Variants in TRHDE observed in about 807,000 individuals in gnomAD.
The protein encoded by TRHDE is thyrotropin releasing hormone degrading enzyme, also known as thyrotropin-releasing hormone-degrading ectoenzyme.
A neutral mutation model predicts 125.7 loss-of-function variants in TRHDE; 72 were observed. The ratio of observed to expected loss-of-function variants is 0.57; its 90% CI spans 0.47 to 0.70. TRHDE has a LOEUF of 0.70. Among genes scored for constraint, TRHDE ranks in the 30% least tolerant of loss-of-function variants. The pLI is 0.00. For missense variants in TRHDE, 1,110 were observed against 1,327.1 expected, an observed-to-expected ratio of 0.84 and a Z score of 2.54; for synonymous variants, 509 against 509.1, an observed-to-expected ratio of 1.00 and a Z score of 0.00.
At chr12:72,642,970 C>T (rs1874126607) in intron 15 of TRHDE, among the ~76,000 whole-genome samples, 1 of 152,128 alleles carries the variant, frequency 6.6e-6, no homozygotes, top group African/African-American at 2.4e-5. Flanking sequence ...AACATCTTTA[C>T]AAATTTAGCA....
intron 12 of TRHDE, among the ~76,000 whole-genome samples, chr12:72,616,468 G>A (rs1592574358): frequency 6.6e-6 from 1 of 152,108 alleles, no homozygotes; most frequent in East Asian, 1.9e-4. Context: ...AGAATGTGAG[G>A]GCTGGAGAGA....
intron 2 of TRHDE, among the ~76,000 whole-genome samples, chr12:72,225,176 GT>G (rs1310210939): frequency 1.3e-5 from 2 of 152,108 alleles, no homozygotes; most frequent in Non-Finnish European, 2.9e-5. Flanking sequence ...GTTCTCTAAA[GT>G]TTTTTTCTAG....
chr12:72,517,841 T>C (rs1195512417), intron 6 of TRHDE, among the ~76,000 whole-genome samples: 3 of 151,916 alleles, frequency 2.0e-5, no homozygotes, highest in Non-Finnish European at 2.9e-5. Context: ...TCTGGTATGT[T>C]GTGTCTTTGT....
At chr12:72,151,876 C>A (rs1488551312) in intron 2 of TRHDE, among the ~76,000 whole-genome samples, 44 of 152,106 alleles carry the variant, frequency 2.9e-4, no homozygotes, top group African/African-American at 1.0e-3. Flanking sequence ...CTTGGCAATG[C>A]AGGCTCTTTT....
chr12:72,128,985 T>C (rs1875789946), intron 2 of TRHDE, among the ~76,000 whole-genome samples: 1 of 152,078 alleles, frequency 6.6e-6, no homozygotes, highest in Non-Finnish European at 1.5e-5. Flanking sequence ...CTAAGGCACA[T>C]CATAATTAAA....
intron 9 of TRHDE, among the ~76,000 whole-genome samples, chr12:72,565,847 T>C (rs996837153): frequency 6.6e-6 from 1 of 152,038 alleles, no homozygotes; most frequent in Non-Finnish European, 1.5e-5. Context: ...CAGGAACTGT[T>C]AAAGAAAAAA....
intron 2 of TRHDE, chr12:72,147,436 T>C (rs997737177): frequency 6.6e-6 from 1 of 152,220 alleles, no homozygotes; most frequent in Non-Finnish European, 1.5e-5. Flanking sequence ...TAGAGCTGAG[T>C]GCTAAGTTTA....
intron 2 of TRHDE, among the ~76,000 whole-genome samples, chr12:72,347,881 C>T (rs1265402054): frequency 6.6e-6 from 1 of 151,848 alleles, no homozygotes; most frequent in Non-Finnish European, 1.5e-5. Flanking sequence ...TCAATAGAAG[C>T]ATATTACCAG....
chr12:72,095,064 C>A (rs1209130373), intron 1 of TRHDE, among the ~76,000 whole-genome samples: 1 of 152,132 alleles, frequency 6.6e-6, no homozygotes, highest in East Asian at 1.9e-4. Flanking sequence ...AAGAACATAC[C>A]AGCTCTGAAG....
intron 1 of TRHDE, among the ~76,000 whole-genome samples, chr12:72,095,187 C>G (rs1381706391): frequency 6.6e-6 from 1 of 152,156 alleles, no homozygotes; most frequent in African/African-American, 2.4e-5. Flanking sequence ...TTAGTGTGGG[C>G]TGTCTCTAGC....
At chr12:72,652,995 T>C (rs1305162264) in intron 16 of TRHDE, 21 bp from the exon 17 acceptor site, 2 of 1,581,214 alleles carry the variant, frequency 1.3e-6, no homozygotes, top group East Asian at 2.3e-5. Flanking sequence ...TAAAAATTTT[T>C]ACAAAATTCT....
chr12:72,421,866 T>C, intron 3 of TRHDE, among the ~76,000 whole-genome samples: 1 of 152,168 alleles, frequency 6.6e-6, no homozygotes, highest in East Asian at 1.9e-4. Flanking sequence ...CATCACTGCC[T>C]CTGGATATTT....
intron 15 of TRHDE, among the ~76,000 whole-genome samples, chr12:72,649,042 A>G (rs3952786): frequency 0.14 from 22,024 of 151,978 alleles, 2,189 homozygotes; most frequent in East Asian, 0.54. Flanking sequence ...AAACAATTCT[A>G]CAATTCATAT....
At chr12:72,257,887 T>C (rs999624506) in intron 2 of TRHDE, 1 of 152,152 alleles carries the variant, frequency 6.6e-6, no homozygotes, top group African/African-American at 2.4e-5. Context: ...TTGAATACTT[T>C]AGATTATAGG....
intron 2 of TRHDE, among the ~76,000 whole-genome samples, chr12:72,129,705 A>G (rs1204014457): frequency 6.6e-6 from 1 of 152,220 alleles, no homozygotes; most frequent in Admixed American, 6.5e-5. Context: ...TTAAAAAAAT[A>G]TATACACAAG....
intron 2 of TRHDE, among the ~76,000 whole-genome samples, chr12:72,295,782 A>G (rs1214626726): frequency 2.4e-5 from 2 of 82,770 alleles, no homozygotes; most frequent in Non-Finnish European, 4.7e-5. Context: ...TATTCTAACC[A>G]TGTATTCTAT....
At chr12:72,601,861 G>A (rs187792407) in intron 12 of TRHDE, among the ~76,000 whole-genome samples, 181 of 152,210 alleles carry the variant, frequency 1.2e-3, no homozygotes, top group Non-Finnish European at 2.1e-3. Flanking sequence ...AAAAAAATTT[G>A]TGACTTTCTT....
intron 2 of TRHDE, among the ~76,000 whole-genome samples, chr12:72,320,186 G>A (rs1198399793): frequency 7.9e-5 from 12 of 151,988 alleles, no homozygotes. Flanking sequence ...ATAGAGGCAT[G>A]TACATACATA....
chr12:72,653,386 A>G (rs1236066975), intron 17 of TRHDE, among the ~76,000 whole-genome samples: 1 of 152,192 alleles, frequency 6.6e-6, no homozygotes, highest in Non-Finnish European at 1.5e-5. Flanking sequence ...CATTTGGAGT[A>G]TAAAAGGCTT....
Sources: allele counts gnomAD v4.1 joint callset (sites outside exome capture counted in the v4.1 genomes callset), GRCh38; gene constraint gnomAD v4.1.1; transcripts MANE v1.5; gene names NCBI Gene and HGNC (gene_info 2026-07-23, HGNC 2026-07-21).